The following TASP1 variants were observed in gnomAD, a reference collection of about 807,000 sequenced individuals.
TASP1 encodes threonine aspartase 1.
In TASP1, 16 loss-of-function variants were observed where a neutral mutation model predicts 56.6. The ratio of observed to expected loss-of-function variants is 0.28; its 90% CI spans 0.19 to 0.43. The LOEUF (loss-of-function observed/expected upper bound fraction) is 0.43. TASP1 is among the 20% of genes least tolerant of loss of function. TASP1 has a pLI of 1.00. For synonymous variants in TASP1, 179 were observed against 184.2 expected, an observed-to-expected ratio of 0.97 and a Z score of 0.23; for missense variants, 393 against 511.6, an observed-to-expected ratio of 0.77 and a Z score of 2.24.
the TASP1 span, among the ~76,000 whole-genome samples, chr20:13,335,696 AAG>A: frequency 2.0e-5 from 3 of 152,124 alleles, no homozygotes; most frequent in Non-Finnish European, 2.9e-5. Context: ...AGGAAAAAAA[AAG>A]AGCTCTTGAA....
At chr20:13,380,916 C>T in the TASP1 span, among the ~76,000 whole-genome samples, 10 of 152,258 alleles carry the variant, frequency 6.6e-5, no homozygotes, top group East Asian at 9.7e-4. Flanking sequence ...CAATGGCGGA[C>T]GCCCCTCCCC....
chr20:13,289,562 CT>C, the TASP1 span, among the ~76,000 whole-genome samples: 2 of 151,978 alleles, frequency 1.3e-5, no homozygotes, highest in South Asian at 4.1e-4. Context: ...GGCTCGAGAC[CT>C]GTTTTTGTGT....
chr20:13,284,862 A>G, the TASP1 span, among the ~76,000 whole-genome samples: 1 of 152,254 alleles, frequency 6.6e-6, no homozygotes, highest in East Asian at 1.9e-4. Flanking sequence ...CATTTAAAAT[A>G]AAGATGTGGA....
chr20:13,260,769 AGTCAGCTTTT>A, the TASP1 span, among the ~76,000 whole-genome samples: 1 of 152,208 alleles, frequency 6.6e-6, no homozygotes, highest in Admixed American at 6.5e-5. Flanking sequence ...GTCCTATATC[AGTCAGCTTTT>A]GTTGTGTAAC....
At chr20:13,247,888 C>T in the TASP1 span, among the ~76,000 whole-genome samples, 1 of 152,240 alleles carries the variant, frequency 6.6e-6, no homozygotes, top group East Asian at 1.9e-4. Flanking sequence ...AGAACAAAAT[C>T]CTCTAACCAC....
chr20:13,189,964 G>T, the TASP1 span, among the ~76,000 whole-genome samples: 1 of 152,168 alleles, frequency 6.6e-6, no homozygotes, highest in Non-Finnish European at 1.5e-5. Context: ...GCAATACTAT[G>T]CAGCCATAAA....
At chr20:13,507,534 G>GA (rs1028871422) in intron 10 of TASP1, among the ~76,000 whole-genome samples, 1 of 151,024 alleles carries the variant, frequency 6.6e-6, no homozygotes, top group African/African-American at 2.4e-5. Flanking sequence ...TGTCTCAAAA[G>GA]AAAAAAACAA....
the TASP1 span, among the ~76,000 whole-genome samples, chr20:13,327,444 G>GA: frequency 6.6e-5 from 10 of 150,602 alleles, no homozygotes; most frequent in South Asian, 4.2e-4. Context: ...TCACAAATTA[G>GA]AAAAAAAAAC....
chr20:13,516,945 T>C (rs1295355518), intron 10 of TASP1, among the ~76,000 whole-genome samples: 1 of 151,868 alleles, frequency 6.6e-6, no homozygotes, highest in Non-Finnish European at 1.5e-5. Flanking sequence ...TGGGTAGTGT[T>C]AAGATTAAAA....
intron 6 of TASP1, among the ~76,000 whole-genome samples, chr20:13,577,503 G>A (rs1399705316): frequency 6.6e-6 from 1 of 152,154 alleles, no homozygotes. Flanking sequence ...CCCTCAGTGT[G>A]ATAATATTTG....
intron 10 of TASP1, among the ~76,000 whole-genome samples, chr20:13,519,104 C>A (rs1375752156): frequency 6.6e-6 from 1 of 152,094 alleles, no homozygotes; most frequent in Non-Finnish European, 1.5e-5. Flanking sequence ...TATATTCTCA[C>A]TTATATGTGG....
At chr20:13,263,479 G>C in the TASP1 span, among the ~76,000 whole-genome samples, 6 of 152,266 alleles carry the variant, frequency 3.9e-5, no homozygotes, top group South Asian at 6.2e-4. Flanking sequence ...CATCTTAGGA[G>C]TGCTTGCTCC....
At chr20:13,437,645 G>C (rs1056558171) in intron 11 of TASP1, among the ~76,000 whole-genome samples, 21 of 152,226 alleles carry the variant, frequency 1.4e-4, no homozygotes, top group Non-Finnish European at 2.5e-4. Flanking sequence ...TAAGCTGATA[G>C]ACAATTTCAG....
At chr20:13,170,120 C>G in the TASP1 span, among the ~76,000 whole-genome samples, 1 of 152,108 alleles carries the variant, frequency 6.6e-6, no homozygotes, top group East Asian at 1.9e-4. Context: ...TACCACATGC[C>G]AGACACGATA....
intron 4 of TASP1, among the ~76,000 whole-genome samples, chr20:13,620,708 TAA>T (rs2048683362): frequency 6.6e-6 from 1 of 152,234 alleles, no homozygotes; most frequent in African/African-American, 2.4e-5. Context: ...AAACTAAAGA[TAA>T]GTGTTTATTC....
At chr20:13,141,068 G>C in the TASP1 span, among the ~76,000 whole-genome samples, 3 of 152,136 alleles carry the variant, frequency 2.0e-5, no homozygotes, top group African/African-American at 7.2e-5. Context: ...AAAAAACAGG[G>C]ACTAAGTGGG....
the TASP1 span, among the ~76,000 whole-genome samples, chr20:13,310,216 C>T: frequency 6.6e-6 from 1 of 152,130 alleles, no homozygotes; most frequent in Non-Finnish European, 1.5e-5. Context: ...ATCAAAACAA[C>T]ATGATACTAA....
At chr20:13,571,388 G>A (rs955508611) in intron 6 of TASP1, among the ~76,000 whole-genome samples, 2 of 152,170 alleles carry the variant, frequency 1.3e-5, no homozygotes, top group Admixed American at 6.5e-5. Flanking sequence ...ATGCAGCACC[G>A]ATTCAAATTT....
At chr20:13,129,005 T>C in the TASP1 span, among the ~76,000 whole-genome samples, 1 of 151,482 alleles carries the variant, frequency 6.6e-6, no homozygotes, top group African/African-American at 2.4e-5. Context: ...GCCTCCCGAG[T>C]AGCTGGGATT....
Sources: allele counts gnomAD v4.1 joint callset (sites outside exome capture counted in the v4.1 genomes callset), GRCh38; gene constraint gnomAD v4.1.1; transcripts MANE v1.5; gene names NCBI Gene and HGNC (gene_info 2026-07-23, HGNC 2026-07-21).